The following CSMD3 variants were observed in gnomAD, a reference collection of about 807,000 sequenced individuals.
CSMD3 encodes CUB and sushi domain-containing protein 3.
A neutral mutation model predicts 435.2 loss-of-function variants in CSMD3; 177 were observed. That is an observed-to-expected ratio of 0.41 (90% CI 0.36 to 0.46). The LOEUF is 0.46. Ranked by LOEUF, CSMD3 falls within the 20% of genes least tolerant of loss-of-function variation. CSMD3 has a pLI of 0.34. For synonymous variants in CSMD3, 1,656 were observed against 1,520.5 expected (o/e 1.09, Z -2.07); for missense variants, 4,265 against 4,504.6 (o/e 0.95, Z 1.52).
chr8:112,713,350 A>T (rs1184916377), intron 13 of CSMD3, among the ~76,000 whole-genome samples: 1 of 141,432 alleles, frequency 7.1e-6, no homozygotes, highest in East Asian at 2.0e-4. Flanking sequence ...CAGGCAGACA[A>T]GATTAGAAAA....
chr8:112,983,771 T>C (rs2085141341), intron 6 of CSMD3, among the ~76,000 whole-genome samples: 1 of 151,848 alleles, frequency 6.6e-6, no homozygotes, highest in African/African-American at 2.4e-5. Context: ...AGAATAGGGT[T>C]CATTATTAAC....
At chr8:112,412,868 T>A (rs1382731329) in intron 32 of CSMD3, among the ~76,000 whole-genome samples, 1 of 152,162 alleles carries the variant, frequency 6.6e-6, no homozygotes, top group Admixed American at 6.6e-5. Context: ...TTTCTGTTTA[T>A]TGATGTGGCA....
At chr8:112,903,044 T>C (rs2082149041) in intron 10 of CSMD3, among the ~76,000 whole-genome samples, 2 of 150,788 alleles carry the variant, frequency 1.3e-5, no homozygotes, top group Non-Finnish European at 3.0e-5. Flanking sequence ...TATCAGCCTA[T>C]TTTGCAAATT....
intron 1 of CSMD3, among the ~76,000 whole-genome samples, chr8:113,428,225 T>TATCTATC (rs941962945): frequency 6.7e-6 from 1 of 149,974 alleles, no homozygotes; most frequent in African/African-American, 2.5e-5. Context: ...TCTATCTATC[T>TATCTATC]ATCTATCTAT....
intron 3 of CSMD3, among the ~76,000 whole-genome samples, chr8:113,277,283 C>T (rs2093578825): frequency 6.6e-6 from 1 of 151,940 alleles, no homozygotes; most frequent in Admixed American, 6.6e-5. Context: ...CTTAGAAAAA[C>T]AACGATTATT....
intron 3 of CSMD3, among the ~76,000 whole-genome samples, chr8:113,196,569 G>A (rs557087889): frequency 3.3e-5 from 5 of 151,184 alleles, no homozygotes; most frequent in African/African-American, 7.3e-5. Context: ...AGAGCATGAC[G>A]AGGATTTTAT....
At chr8:113,203,187 C>T (rs1351514869) in intron 3 of CSMD3, among the ~76,000 whole-genome samples, 2 of 152,108 alleles carry the variant, frequency 1.3e-5, no homozygotes, top group African/African-American at 4.8e-5. Context: ...ATGACCTGAC[C>T]TGATCACTAT....
intron 16 of CSMD3, among the ~76,000 whole-genome samples, chr8:112,680,498 C>T (rs1188156458): frequency 6.6e-6 from 1 of 152,182 alleles, no homozygotes; most frequent in Non-Finnish European, 1.5e-5. Flanking sequence ...GTATTACTAT[C>T]CATATTATCC....
At chr8:112,230,408 C>T (rs1349014404) in intron 69 of CSMD3, among the ~76,000 whole-genome samples, 2 of 152,126 alleles carry the variant, frequency 1.3e-5, no homozygotes, top group African/African-American at 4.8e-5. Context: ...TCATCTTTGT[C>T]CAGGTTAAAG....
chr8:112,346,600 A>C (rs1372208615), intron 40 of CSMD3, among the ~76,000 whole-genome samples: 1 of 151,908 alleles, frequency 6.6e-6, no homozygotes, highest in Non-Finnish European at 1.5e-5. Flanking sequence ...GAGTAAAATC[A>C]AGCCAACCAC....
At chr8:112,286,962 G>A in intron 58 of CSMD3, 102 bp downstream of exon 58, 1 of 918,918 alleles carries the variant, frequency 1.1e-6, no homozygotes, top group Non-Finnish European at 1.8e-6. Context: ...GTTGCAGGCA[G>A]AATAAACTAG....
intron 22 of CSMD3, among the ~76,000 whole-genome samples, chr8:112,599,258 A>G (rs1472550536): frequency 6.6e-6 from 1 of 151,650 alleles, no homozygotes; most frequent in East Asian, 1.9e-4. Flanking sequence ...GCCAAAAAAC[A>G]CATGAAAAAA....
At chr8:112,649,860 C>G (rs933304801) in intron 19 of CSMD3, among the ~76,000 whole-genome samples, 13 of 152,026 alleles carry the variant, frequency 8.6e-5, no homozygotes, top group African/African-American at 2.9e-4. Flanking sequence ...TTGGCATTTT[C>G]AAGGCTGTTT....
At chr8:112,561,605 T>G (rs965102574) in intron 24 of CSMD3, among the ~76,000 whole-genome samples, 3 of 151,630 alleles carry the variant, frequency 2.0e-5, no homozygotes, top group African/African-American at 7.2e-5. Flanking sequence ...TAATTCATCT[T>G]CACGTTAATA....
At chr8:112,656,407 G>A (rs2131663206) in intron 17 of CSMD3, 66 bp from the exon 18 acceptor site, 3 of 1,191,708 alleles carry the variant, frequency 2.5e-6, no homozygotes, top group Non-Finnish European at 2.4e-6. Context: ...ATAATGCTTT[G>A]GACTGCTATT....
At chr8:112,367,544 T>C (rs1827891981) in intron 38 of CSMD3, among the ~76,000 whole-genome samples, 1 of 152,154 alleles carries the variant, frequency 6.6e-6, no homozygotes, top group Non-Finnish European at 1.5e-5. Context: ...TTCTCTCTCA[T>C]CCCCAACATC....
At chr8:113,000,342 A>G (rs902064673) in intron 6 of CSMD3, among the ~76,000 whole-genome samples, 3 of 152,060 alleles carry the variant, frequency 2.0e-5, no homozygotes, top group Non-Finnish European at 2.9e-5. Context: ...AAATTCTTCT[A>G]TGAAATTAAT....
intron 22 of CSMD3, among the ~76,000 whole-genome samples, chr8:112,631,447 G>C (rs1402075160): frequency 6.6e-6 from 1 of 152,000 alleles, no homozygotes; most frequent in Non-Finnish European, 1.5e-5. Context: ...CTTGAAAATT[G>C]TGCATCAATA....
intron 1 of CSMD3, among the ~76,000 whole-genome samples, chr8:113,346,541 TG>T (rs2094152584): frequency 6.6e-6 from 1 of 152,114 alleles, no homozygotes; most frequent in East Asian, 1.9e-4. Flanking sequence ...AATGGAACTT[TG>T]TATATGTAAC....
Sources: gnomAD v4.1 joint callset for allele counts (sites outside exome capture counted in the v4.1 genomes callset) on GRCh38, gnomAD v4.1.1 for gene constraint, MANE v1.5 for transcripts, NCBI Gene and HGNC (gene_info 2026-07-23, HGNC 2026-07-21) for gene names.